Variants in DENND1B observed in about 807,000 individuals in gnomAD.
DENND1B encodes DENN domain-containing protein 1B.
DENND1B carries 59 observed loss-of-function variants against 90.1 expected under a neutral mutation model. That is an observed-to-expected ratio of 0.65 (90% CI 0.53 to 0.81). The LOEUF (loss-of-function observed/expected upper bound fraction) is 0.81. DENND1B is among the 40% of genes least tolerant of loss of function. The probability of loss-of-function intolerance (pLI) is 0.00; values close to 1 mark genes in which losing one functional copy is unlikely to be tolerated. For missense variants in DENND1B, 862 were observed against 912.6 expected, an observed-to-expected ratio of 0.94 and a Z score of 0.71; for synonymous variants, 337 against 324.6, an observed-to-expected ratio of 1.04 and a Z score of -0.41.
chr1:197,612,018 T>C, intron 11 of DENND1B, 42 bp from the exon 12 acceptor site: 2 of 1,480,478 alleles, frequency 1.4e-6, no homozygotes, highest in Non-Finnish European at 1.9e-6. Flanking sequence ...ATATAGTTCA[T>C]TAAAACTGAA....
intron 3 of DENND1B, among the ~76,000 whole-genome samples, chr1:197,680,481 A>G (rs1656574609): frequency 6.6e-6 from 1 of 152,156 alleles, no homozygotes. Flanking sequence ...GTTTTAGAAA[A>G]AGTTTTACAG....
chr1:197,757,198 T>A (rs1335583308), intron 2 of DENND1B: 1 of 152,140 alleles, frequency 6.6e-6, no homozygotes, highest in African/African-American at 2.4e-5. Context: ...AGGAGGATCA[T>A]AACTTTTCTC....
intron 2 of DENND1B, among the ~76,000 whole-genome samples, chr1:197,723,344 C>A (rs1571504927): frequency 6.6e-6 from 1 of 152,112 alleles, no homozygotes; most frequent in African/African-American, 2.4e-5. Context: ...AAAGCAATTT[C>A]TTTTCTTCGC....
intron 10 of DENND1B, among the ~76,000 whole-genome samples, chr1:197,635,969 A>T (rs10442660): frequency 6.6e-6 from 1 of 151,228 alleles, no homozygotes; most frequent in African/African-American, 2.4e-5. Context: ...CTGACTGAAC[A>T]AGATTAAAAA....
chr1:197,663,985 A>G lies in DENND1B; in HGVS notation c.297-5616T>C, dbSNP rs191704768. Reference sequence around the variant, plus strand: ...ATGGCAAAAACAACATCATTTTTAAAAAGAAAACTTTTGAAACACACACAT... The same window carrying G: ...ATGGCAAAAACAACATCATTTTTAAGAAGAAAACTTTTGAAACACACACAT... On this transcript the variant is annotated intron_variant, in intron 5 of 22. Coordinates refer to ENST00000620048, the MANE Select transcript of DENND1B (RefSeq NM_001195215.2). 1.3e-4 allele frequency among the ~76,000 whole-genome samples: 19 copies of G among 151,392 alleles called. 1 individual carries two copies. The highest frequency in any genetic ancestry group is 4.6e-4 in the African/African-American group (19 of 41,178).
At chr1:197,580,357 C>A (rs758515075) in intron 15 of DENND1B, among the ~76,000 whole-genome samples, 1 of 151,320 alleles carries the variant, frequency 6.6e-6, no homozygotes, top group Non-Finnish European at 1.5e-5. Flanking sequence ...CTCGGTCTCC[C>A]AGAGTGCTGG....
In DENND1B at chr1:197,517,487, C is replaced by A. The variant is rs532725698; in HGVS notation, c.1516-4534G>T. Among the ~76,000 whole-genome samples the A allele has an allele frequency of 4.6e-5, 7 of 151,938 alleles. No homozygotes were observed. The South Asian group carries it at 1.5e-3, about 32-fold the overall frequency. ...GCATATGATTCCTTTACAAGAAACA[C>A]TTTTCTCTTACATTTATCCTCTTTG... On this transcript the variant is annotated intron_variant, in intron 20 of 22. Coordinates refer to ENST00000620048, the MANE Select transcript of DENND1B (RefSeq NM_001195215.2).
At chr1:197,735,624 G>A (rs1662580981) in intron 2 of DENND1B, 2 of 1,614,046 alleles carry the variant, frequency 1.2e-6, no homozygotes, top group South Asian at 2.2e-5. Context: ...CTCCTCCCGT[G>A]GAGCTGCCGC....
chr1:197,603,333 G>C (rs561420183), intron 13 of DENND1B, among the ~76,000 whole-genome samples: 2 of 151,242 alleles, frequency 1.3e-5, no homozygotes, highest in Admixed American at 1.3e-4. Context: ...TTATATGAAA[G>C]GGACCATGGT....
intron 3 of DENND1B, among the ~76,000 whole-genome samples, chr1:197,701,537 T>TC (rs1558420050): frequency 6.9e-6 from 1 of 145,206 alleles, no homozygotes; most frequent in Admixed American, 6.9e-5. Flanking sequence ...TGTACTTGTA[T>TC]CCCCCCCTTC....
chr1:197,707,299 T>A (rs1246111137), intron 3 of DENND1B, among the ~76,000 whole-genome samples: 1 of 152,092 alleles, frequency 6.6e-6, no homozygotes, highest in East Asian at 1.9e-4. Context: ...GGTTAGTTAA[T>A]GGATCCAAAA....
intron 10 of DENND1B, among the ~76,000 whole-genome samples, chr1:197,627,422 A>G (rs1678868943): frequency 6.6e-6 from 1 of 152,204 alleles, no homozygotes; most frequent in Non-Finnish European, 1.5e-5. Flanking sequence ...AACCAAAGAC[A>G]AAAACCACAT....
At position 197,521,636 on chromosome 1, in the gene DENND1B, A is replaced by C. The variant is rs370143511; in HGVS notation, c.1516-8683T>G. 2.5e-4 allele frequency among the ~76,000 whole-genome samples: 38 copies of C among 152,126 alleles called. 1 individual carries two copies. The highest frequency in any genetic ancestry group is 9.8e-4 in the Admixed American group (15 of 15,254). Reference sequence around the variant, plus strand: ...TAAGAAAAAAATACCTGCATGAAATAATATGTGAATAAATTAAATAATAAT... The same window carrying C: ...TAAGAAAAAAATACCTGCATGAAATCATATGTGAATAAATTAAATAATAAT... On this transcript the variant is annotated intron_variant, in intron 20 of 22. Transcript: ENST00000620048.
At chr1:197,701,306 T>C (rs958913727) in intron 3 of DENND1B, among the ~76,000 whole-genome samples, 5 of 152,152 alleles carry the variant, frequency 3.3e-5, no homozygotes, top group Admixed American at 6.6e-5. Flanking sequence ...GGAAGCCATC[T>C]TCCTCAGCAA....
the DENND1B span, among the ~76,000 whole-genome samples, chr1:197,781,295 A>G: frequency 2.6e-5 from 4 of 152,204 alleles, no homozygotes; most frequent in East Asian, 1.9e-4. Flanking sequence ...TGTAGCTAAC[A>G]TGTATCCAAG....
intron 13 of DENND1B, chr1:197,605,694 A>T (rs1261257594): frequency 1.3e-5 from 2 of 151,074 alleles, no homozygotes. Flanking sequence ...TAATGAGGTA[A>T]TCTAGTTATA....
intron 3 of DENND1B, among the ~76,000 whole-genome samples, chr1:197,701,563 TTAAGAAAGAAGATAGAA>T (rs1243625126): frequency 6.6e-6 from 1 of 151,526 alleles, no homozygotes; most frequent in Non-Finnish European, 1.5e-5. Flanking sequence ...CTTTTTTTTT[TTAAGAAAGAAGATAGAA>T]GAAGAAAGAA....
chr1:197,563,341 A>G (rs2125709234), intron 15 of DENND1B, among the ~76,000 whole-genome samples: 1 of 152,128 alleles, frequency 6.6e-6, no homozygotes, highest in South Asian at 2.1e-4. Context: ...GCGATAATGC[A>G]GCTGGTGACT....
chr1:197,764,800 T>C (rs1655501209), intron 2 of DENND1B, among the ~76,000 whole-genome samples: 1 of 152,208 alleles, frequency 6.6e-6, no homozygotes, highest in African/African-American at 2.4e-5. Context: ...CACTGTTAAT[T>C]AATCAGATAC....
Sources: gnomAD v4.1 joint callset for allele counts (sites outside exome capture counted in the v4.1 genomes callset) on GRCh38, gnomAD v4.1.1 for gene constraint, MANE v1.5 for transcripts, NCBI Gene and HGNC (gene_info 2026-07-23, HGNC 2026-07-21) for gene names.